The following MLLT3 variants were observed in gnomAD, a reference collection of about 807,000 sequenced individuals.
MLLT3 encodes protein AF-9.
In MLLT3, 4 loss-of-function variants were observed where a neutral mutation model predicts 53.2. The observed-to-expected ratio is 0.08, with a 90% CI of 0.04 to 0.17. The LOEUF is 0.17. MLLT3 is among the 10% of genes least tolerant of loss of function. The probability of loss-of-function intolerance (pLI) is 1.00; values close to 1 mark genes in which losing one functional copy is unlikely to be tolerated. For missense variants in MLLT3, 569 were observed against 684.0 expected (o/e 0.83, Z 1.87); for synonymous variants, 283 against 230.6 (o/e 1.23, Z -2.06).
intron 2 of MLLT3, among the ~76,000 whole-genome samples, chr9:20,507,742 G>GAAAAAAAAAAAA (rs72452530): frequency 1.2e-5 from 1 of 84,534 alleles, no homozygotes. Flanking sequence ...TCCCAAAATG[G>GAAAAAAAAAAAA]AAAAAAAAAA....
At chr9:20,434,273 G>C (rs1336344907) in intron 4 of MLLT3, among the ~76,000 whole-genome samples, 2 of 152,292 alleles carry the variant, frequency 1.3e-5, no homozygotes, top group African/African-American at 4.8e-5. Context: ...GCCCTTGTTT[G>C]CAAGAAATAA....
rs118185834 is a variant in MLLT3, at chr9:20,607,634, T to C, written c.193+13020A>G. 8.2e-3 allele frequency among the ~76,000 whole-genome samples: 1,246 copies of C among 152,252 alleles called. 8 individuals carry two copies. Among genetic ancestry groups the C allele is most frequent in the Middle Eastern group, 0.014 (4 of 294 alleles). ...CTAAGGTAGAGTTAATCTATTTGTA[T>C]TTTATGGATTTTGTAAAATCATCTA... On this transcript the variant is annotated intron_variant, in intron 2 of 10. Transcript: ENST00000380338.
chr9:20,530,375 C>T (rs189861461), intron 2 of MLLT3, among the ~76,000 whole-genome samples: 19 of 152,228 alleles, frequency 1.2e-4, no homozygotes, highest in Admixed American at 1.1e-3. Context: ...ATTTAACATA[C>T]GTATTTTATT....
At chr9:20,412,773 T>C (rs531641503) in intron 5 of MLLT3, among the ~76,000 whole-genome samples, 3 of 152,264 alleles carry the variant, frequency 2.0e-5, no homozygotes, top group South Asian at 2.1e-4. Flanking sequence ...AAGGCCAAAA[T>C]TAGAAAAAAT....
At position 20,436,738 on chromosome 9, in the gene MLLT3, A is replaced by G. The variant is rs148460741; in HGVS notation, c.420+11385T>C. ...ATGCCTTAGTTTACTCATCTGTAAA[A>G]TGGTGACCTTGACCTATTATATCAA... On this transcript the variant is annotated intron_variant, in intron 4 of 10. Coordinates refer to ENST00000380338, the MANE Select transcript of MLLT3 (RefSeq NM_004529.4). Among the ~76,000 whole-genome samples the G allele has an allele frequency of 3.1e-3, 477 of 152,282 alleles. 5 individuals carry two copies. The highest frequency in any genetic ancestry group is 0.011 in the African/African-American group (460 of 41,562).
At chr9:20,622,209 G>A (rs756794540) in intron 1 of MLLT3, 36 bp downstream of exon 1, 8 of 1,589,392 alleles carry the variant, frequency 5.0e-6, no homozygotes, top group Non-Finnish European at 6.9e-6. Flanking sequence ...AGGAAAGTGG[G>A]GGAGGGCTTT....
In MLLT3 at chr9:20,414,421, G is replaced by C; in HGVS notation, c.425C>G (p.Pro142Arg). The change falls in exon 5 of 11, where the codon CCT becomes CGT. Residue 142 changes from proline (P) to arginine (R), a missense_variant. Physicochemically the swap from Pro to Arg is moderately radical, Grantham distance 103. Transcript: ENST00000380338. ...GCTGCTGGTATGAATACTCCTATTA[G>C]GGTCCTGCAAAAAGGGGAGAAGAAA... ...RRKLLKAGGD[P>R]NRSIHTSSSS... 1 of 1,603,534 alleles carries C rather than the reference G, an allele frequency of 6.2e-7. No individual in the cohort carries two copies. Among genetic ancestry groups the C allele is most frequent in the South Asian group, 1.1e-5 (1 of 90,478 alleles).
chr9:20,503,305 C>A (rs1173147651), intron 2 of MLLT3, among the ~76,000 whole-genome samples: 1 of 152,140 alleles, frequency 6.6e-6, no homozygotes. Context: ...TACTACCAAG[C>A]TACAGTAATC....
intron 4 of MLLT3, among the ~76,000 whole-genome samples, chr9:20,433,813 G>A (rs912790925): frequency 6.6e-6 from 1 of 151,926 alleles, no homozygotes; most frequent in Non-Finnish European, 1.5e-5. Context: ...GGATCCTTTT[G>A]CTATCAAAAT....
At position 20,512,998 on chromosome 9, in the gene MLLT3, G is replaced by A. The variant is rs139363744; in HGVS notation, c.194-56212C>T. On this transcript the variant is annotated intron_variant, in intron 2 of 10. Coordinates refer to ENST00000380338, the MANE Select transcript of MLLT3 (RefSeq NM_004529.4). Reference sequence around the variant, plus strand: ...CACTACACATAAGACACCATATTAAGAACTGTAAGTGAGGCTCTGTTATAT... The same window carrying A: ...CACTACACATAAGACACCATATTAAAAACTGTAAGTGAGGCTCTGTTATAT... Among the ~76,000 whole-genome samples the A allele has an allele frequency of 4.8e-3, 733 of 152,348 alleles. 7 individuals carry two copies. The highest frequency in any genetic ancestry group is 0.017 in the African/African-American group (714 of 41,584).
intron 2 of MLLT3, among the ~76,000 whole-genome samples, chr9:20,535,263 A>C (rs1818450385): frequency 6.6e-6 from 1 of 152,212 alleles, no homozygotes. Flanking sequence ...TCTAATGATG[A>C]ATTTAATCTG....
chr9:20,359,500 A>C (rs540342620), intron 8 of MLLT3, among the ~76,000 whole-genome samples: 1 of 152,378 alleles, frequency 6.6e-6, no homozygotes, highest in African/African-American at 2.4e-5. Context: ...AATGTAGGAC[A>C]CAAAGAAATT....
At chr9:20,424,522 A>C (rs948802530) in intron 4 of MLLT3, among the ~76,000 whole-genome samples, 2 of 152,310 alleles carry the variant, frequency 1.3e-5, no homozygotes, top group African/African-American at 4.8e-5. Context: ...GGGAGAGGTC[A>C]CTGTTTTAAG....
chr9:20,403,966 A>G (rs1822519515), intron 5 of MLLT3, among the ~76,000 whole-genome samples: 1 of 151,964 alleles, frequency 6.6e-6, no homozygotes, highest in East Asian at 1.9e-4. Flanking sequence ...ACTACAGGTG[A>G]GAACCATCAC....
chr9:20,510,244 G>T (rs527355355), intron 2 of MLLT3, among the ~76,000 whole-genome samples: 2 of 152,218 alleles, frequency 1.3e-5, no homozygotes, highest in Admixed American at 1.3e-4. Flanking sequence ...GCAATGAATA[G>T]GAGAAATGTG....
intron 2 of MLLT3, among the ~76,000 whole-genome samples, chr9:20,538,734 T>G (rs1489941444): frequency 6.6e-6 from 1 of 152,214 alleles, no homozygotes; most frequent in Non-Finnish European, 1.5e-5. Context: ...TTTAGTCCCT[T>G]AAAAACATAA....
At chr9:20,475,372 C>G (rs1385417582) in intron 2 of MLLT3, among the ~76,000 whole-genome samples, 2 of 152,118 alleles carry the variant, frequency 1.3e-5, no homozygotes, top group African/African-American at 4.8e-5. Flanking sequence ...AGATACCCAT[C>G]AAATCTCCCC....
intron 2 of MLLT3, among the ~76,000 whole-genome samples, chr9:20,610,716 AACATAT>A (rs1328673517): frequency 6.6e-6 from 1 of 152,136 alleles, no homozygotes; most frequent in Admixed American, 6.6e-5. Context: ...AAAAAGAGAT[AACATAT>A]ACAAAGAGAA....
intron 3 of MLLT3, among the ~76,000 whole-genome samples, chr9:20,453,217 T>C (rs922770677): frequency 2.0e-5 from 3 of 152,186 alleles, no homozygotes; most frequent in Non-Finnish European, 4.4e-5. Context: ...ATGTGCCTTC[T>C]ACTGAGATTA....
Sources: gnomAD v4.1 joint callset for allele counts (sites outside exome capture counted in the v4.1 genomes callset) on GRCh38, gnomAD v4.1.1 for gene constraint, MANE v1.5 for transcripts, NCBI Gene and HGNC (gene_info 2026-07-23, HGNC 2026-07-21) for gene names.